CCZ1: variants seen among roughly 807,000 people sequenced by gnomAD.
CCZ1 encodes vacuolar fusion protein CCZ1 homolog.
A neutral mutation model predicts 57.8 loss-of-function variants in CCZ1; 19 were observed. The observed-to-expected ratio is 0.33, with a 90% CI of 0.23 to 0.48. The LOEUF is 0.48. Ranked by LOEUF, CCZ1 falls within the 20% of genes least tolerant of loss-of-function variation. The pLI, the probability that CCZ1 is intolerant of heterozygous loss-of-function variation, is 0.99. For synonymous variants in CCZ1, 81 were observed against 167.0 expected (o/e 0.49, Z 3.97); for missense variants, 200 against 492.0 (o/e 0.41, Z 5.61).
At chr7:5,906,012 G>A (rs1169581951) in intron 7 of CCZ1, among the ~76,000 whole-genome samples, 1 of 144,578 alleles carries the variant, frequency 6.9e-6, no homozygotes, top group African/African-American at 2.6e-5. Context: ...CAAAGTGCTG[G>A]GATTACAGGC....
rs527979225 is a variant in CCZ1 at position 5,904,634 on chromosome 7, A to C, written c.523-460A>C. 1.1e-3 allele frequency among the ~76,000 whole-genome samples: 168 copies of C among 146,972 alleles called. 9 individuals are homozygous for C. Among genetic ancestry groups the C allele is most frequent in the African/African-American group, 4.2e-3 (162 of 38,868 alleles). Reference sequence around the variant, plus strand: ...GATCACGAGTCAGGAGATTGAGACCATCCTGGCTAACATGGTGAAACCCCA... The same window carrying C: ...GATCACGAGTCAGGAGATTGAGACCCTCCTGGCTAACATGGTGAAACCCCA... On this transcript the variant is annotated intron_variant, in intron 6 of 14. Coordinates refer to ENST00000325974, the MANE Select transcript of CCZ1 (RefSeq NM_015622.6).
In CCZ1 at chr7:5,924,513, C is replaced by CTT. The variant is rs1554283467; in HGVS notation, c.1393+551_1393+552insTT. On this transcript the variant is annotated intron_variant, in intron 14 of 14. Transcript: ENST00000325974. ...CCTCCCAAAGAGCTGGGATTACAGG[C>CTT]GTGAGCCACCTTGCCCAGCCCAAAA... Among the ~76,000 whole-genome samples, 211 of 103,594 alleles carry CTT rather than the reference C, an allele frequency of 2.0e-3. 4 individuals carry two copies. Among genetic ancestry groups the CTT allele is most frequent in the Non-Finnish European group, 3.1e-3 (149 of 47,326 alleles). 68.0% of individuals were successfully genotyped at this position (103,594 alleles called of 152,430 possible).
chr7:5,906,117 G>C (rs1203188049), intron 7 of CCZ1, among the ~76,000 whole-genome samples: 1 of 146,626 alleles, frequency 6.8e-6, no homozygotes. Context: ...GAAATTACCT[G>C]CTATCGTGAA....
At chr7:5,899,330 GGGGGGTGTGTGTGT>G (rs762901164) in intron 1 of CCZ1, among the ~76,000 whole-genome samples, 15,027 of 44,278 alleles carry the variant, frequency 0.34, 127 homozygotes, top group Admixed American at 0.39. Flanking sequence ...AATTTCGGGA[GGGGGGTGTGTGTGT>G]GTGTGTGTGT....
chr7:5,911,477 T>G lies in CCZ1; in HGVS notation c.781-384T>G, dbSNP rs534970468. On this transcript the variant is annotated intron_variant, in intron 8 of 14. Coordinates refer to ENST00000325974, the MANE Select transcript of CCZ1 (RefSeq NM_015622.6). ...GCCACCACACCTGGCTAATTTTTTGTAGAGATGGGATCTCGTCATGTTGCC... is the reference window on the plus strand; with the variant it reads ...GCCACCACACCTGGCTAATTTTTTGGAGAGATGGGATCTCGTCATGTTGCC... Among the ~76,000 whole-genome samples the G allele has an allele frequency of 5.9e-4, 87 of 147,772 alleles. 5 individuals are homozygous for G. In the South Asian group the frequency reaches 0.012, roughly 20 times the overall value.
intron 10 of CCZ1, among the ~76,000 whole-genome samples, chr7:5,914,393 A>G (rs896233794): frequency 2.0e-5 from 3 of 148,996 alleles, no homozygotes; most frequent in Non-Finnish European, 4.4e-5. Flanking sequence ...CTATGATCAC[A>G]CCACTGCATT....
chr7:5,902,007 A>G, intron 5 of CCZ1: 1 of 342,868 alleles, frequency 2.9e-6, no homozygotes, highest in Admixed American at 4.2e-5. Context: ...TAAAAGTTTC[A>G]GTGAGGCAGG....
intron 12 of CCZ1, among the ~76,000 whole-genome samples, 185 bp downstream of exon 12, chr7:5,920,151 GC>G (rs1372557880): frequency 1.6e-5 from 2 of 128,512 alleles, no homozygotes; most frequent in East Asian, 2.1e-4. Flanking sequence ...GAGTGTTTCT[GC>G]CCCACGCTGG....
intron 5 of CCZ1, 52 bp downstream of exon 5, chr7:5,901,756 C>T (rs1562537660): frequency 6.3e-7 from 1 of 1,590,398 alleles, no homozygotes; most frequent in Admixed American, 1.7e-5. Flanking sequence ...ACCCCTATCT[C>T]TAGGCTCCAG....
At chr7:5,916,724 C>T (rs1432365431) in intron 10 of CCZ1, among the ~76,000 whole-genome samples, 2 of 146,682 alleles carry the variant, frequency 1.4e-5, no homozygotes, top group Non-Finnish European at 3.0e-5. Context: ...ACACAGCTGG[C>T]CCCACATGGC....
rs1356070049 is a variant in CCZ1 at position 5,905,703 on chromosome 7, A to G, written c.698+434A>G. Among the ~76,000 whole-genome samples the G allele has an allele frequency of 9.6e-5, 12 of 125,442 alleles. No individual in the cohort carries two copies. In the East Asian group the frequency reaches 1.0e-3, roughly 11 times the overall value. The allele number at this position is 125,442 out of a possible 152,430, so 82.3% of individuals were successfully genotyped here. A position where few individuals can be genotyped will look rare whatever the true frequency, so the allele number is the denominator to read the frequency against. ...AGGCTGAGGCAGGAGAATCACTTGA[A>G]CCCGGGAGGCGGAGGTTGCAGTGAG... On this transcript the variant is annotated intron_variant, in intron 7 of 14. Coordinates refer to ENST00000325974, the MANE Select transcript of CCZ1 (RefSeq NM_015622.6).
Position 5,898,984 on chromosome 7 carries a change from T to C in CCZ1, c.120+65T>C. On this transcript the variant is annotated intron_variant, in intron 1 of 14. Coordinates refer to ENST00000325974, the MANE Select transcript of CCZ1 (RefSeq NM_015622.6). ...GTTCCCCGGGAAGGTGGCCCTGTGG[T>C]TCTGCCCACCTCGAGGGGCACTGAC... The C allele has an allele frequency of 1.2e-5, 4 of 336,484 alleles. No individual in the cohort carries two copies. The South Asian group carries it at 1.5e-4, about 12-fold the overall frequency. The allele number at this position is 336,484 out of a possible 1,614,324, so 20.8% of individuals were successfully genotyped here.
At position 5,904,805 on chromosome 7, in the gene CCZ1, T is replaced by A. The variant is rs1781765878; in HGVS notation, c.523-289T>A. ...GAGATCGCACCACTGCACTCCAGCC[T>A]GGATGACAGAGCAAGACTCTGTCAC... is the stretch of plus-strand genomic sequence containing the variant. On this transcript the variant is annotated intron_variant, in intron 6 of 14. Transcript: ENST00000325974. 1.4e-5 allele frequency among the ~76,000 whole-genome samples: 2 copies of A among 148,106 alleles called. 1 individual carries two copies.
chr7:5,918,405 CTG>C (rs1426421265), intron 10 of CCZ1: 1 of 179,664 alleles, frequency 5.6e-6, no homozygotes, highest in Non-Finnish European at 1.2e-5. Flanking sequence ...TATCCATTTG[CTG>C]TCTTTGTAAA....
chr7:5,913,049 T>A, intron 10 of CCZ1, 95 bp downstream of exon 10: 1 of 1,292,162 alleles, frequency 7.7e-7, no homozygotes, highest in South Asian at 1.5e-5. Flanking sequence ...CTTAAATGTT[T>A]CTTGGAAAAG....
At chr7:5,899,755 C>A (rs1289201295) in intron 1 of CCZ1, among the ~76,000 whole-genome samples, 1 of 151,492 alleles carries the variant, frequency 6.6e-6, no homozygotes, top group Non-Finnish European at 1.5e-5. Flanking sequence ...GCAGCACAGA[C>A]CCCATCTCCA....
In CCZ1 at chr7:5,900,455, T is replaced by A; in HGVS notation, c.219-18T>A. Reference sequence around the variant, plus strand: ...CTGCTGGAGAATTGTCCCAAACATATTTTTTTAACCTTTGTAGGACATTTA... The same window carrying A: ...CTGCTGGAGAATTGTCCCAAACATAATTTTTTAACCTTTGTAGGACATTTA... On this transcript the variant is annotated intron_variant, in intron 2 of 14. Transcript: ENST00000325974. 9 of 1,591,432 alleles carry A rather than the reference T, an allele frequency of 5.7e-6. No homozygotes were observed. Among genetic ancestry groups the A allele is most frequent in the Non-Finnish European group, 7.7e-6 (9 of 1,174,112 alleles).
intron 9 of CCZ1, among the ~76,000 whole-genome samples, chr7:5,912,376 CCTTTTTT>C (rs1779057722): frequency 1.3e-4 from 13 of 99,846 alleles, no homozygotes; most frequent in African/African-American, 4.1e-4. Context: ...TTCAGCATAC[CCTTTTTT>C]TTTTTTTTTT....
chr7:5,900,214 A>G, intron 1 of CCZ1, 70 bp from the exon 2 acceptor site: 2 of 1,399,416 alleles, frequency 1.4e-6, no homozygotes, highest in Non-Finnish European at 9.5e-7. Context: ...TCGACATTGA[A>G]CTTAGCGTTT....
Sources: gnomAD v4.1 joint callset for allele counts (sites outside exome capture counted in the v4.1 genomes callset) on GRCh38, gnomAD v4.1.1 for gene constraint, MANE v1.5 for transcripts, NCBI Gene and HGNC (gene_info 2026-07-23, HGNC 2026-07-21) for gene names.